Variants in FAM169A observed in about 807,000 individuals in gnomAD.
FAM169A encodes family with sequence similarity 169 member A.
In FAM169A, 24 loss-of-function variants were observed where a neutral mutation model predicts 75.7. That is an observed-to-expected ratio of 0.32 (90% CI 0.23 to 0.45). The LOEUF (loss-of-function observed/expected upper bound fraction) is 0.45. FAM169A is among the 20% of genes least tolerant of loss of function. The probability of loss-of-function intolerance (pLI) is 1.00; values close to 1 mark genes in which losing one functional copy is unlikely to be tolerated. For synonymous variants in FAM169A, 271 were observed against 271.0 expected (o/e 1.00, Z 0.00); for missense variants, 673 against 784.0 (o/e 0.86, Z 1.69).
At chr5:74,783,483 T>G (rs1331529693) in intron 11 of FAM169A, among the ~76,000 whole-genome samples, 1 of 152,176 alleles carries the variant, frequency 6.6e-6, no homozygotes, top group African/African-American at 2.4e-5. Context: ...AAGAACTTTT[T>G]CAGGAAAAAG....
intron 6 of FAM169A, among the ~76,000 whole-genome samples, chr5:74,808,678 A>T (rs1485283117): frequency 1.3e-5 from 2 of 152,358 alleles, no homozygotes; most frequent in East Asian, 3.9e-4. Flanking sequence ...ACACTAAATA[A>T]TATTTTATAA....
rs961984268 is a variant in FAM169A at position 74,781,537 on chromosome 5, C to T, written c.1936G>A (p.Val646Met). ...SSEEIEVEVP[V>M]VDRRNLRRKA... ...CTTCTTAAATTCCGCCTGTCTACCA[C>T]AGGCACTTCCACTTCTATTTCCTCT... Residue 646 changes from valine to methionine, a missense_variant, in exon 13 of 13, where the codon GTG becomes ATG. Coordinates refer to ENST00000687041, the MANE Select transcript of FAM169A (RefSeq NM_001376049.1). 1 of 1,614,226 alleles carries T rather than the reference C, an allele frequency of 6.2e-7. No individual in the cohort carries two copies. Among genetic ancestry groups the T allele is most frequent in the Non-Finnish European group, 8.5e-7 (1 of 1,180,024 alleles).
intron 5 of FAM169A, 67 bp downstream of exon 5, chr5:74,834,359 T>C (rs113854844): frequency 0.012 from 10,687 of 909,394 alleles, 88 homozygotes; most frequent in Middle Eastern, 0.036. Flanking sequence ...GAGATATTGA[T>C]ACAGTTGGAG....
chr5:74,825,134 A>G (rs1158247721), intron 5 of FAM169A, among the ~76,000 whole-genome samples: 1 of 152,114 alleles, frequency 6.6e-6, no homozygotes, highest in African/African-American at 2.4e-5. Flanking sequence ...AATATTTATT[A>G]CTATCTCTCT....
chr5:74,787,576 A>G (rs889029731), intron 11 of FAM169A, among the ~76,000 whole-genome samples: 6 of 152,344 alleles, frequency 3.9e-5, no homozygotes, highest in South Asian at 4.1e-4. Flanking sequence ...CTGTATGCCA[A>G]ATCTAACAGT....
intron 1 of FAM169A, among the ~76,000 whole-genome samples, chr5:74,841,917 G>A (rs927593237): frequency 1.3e-4 from 19 of 151,956 alleles, no homozygotes; most frequent in African/African-American, 3.1e-4. Flanking sequence ...TAACAGATAC[G>A]TCCTTACATA....
intron 5 of FAM169A, among the ~76,000 whole-genome samples, chr5:74,814,391 A>ACTC (rs1747364932): frequency 1.3e-5 from 2 of 152,128 alleles, no homozygotes; most frequent in Admixed American, 6.5e-5. Context: ...GTATTTGAAG[A>ACTC]CTATCATTCC....
At chr5:74,797,427 T>C (rs1580090305) in intron 10 of FAM169A, among the ~76,000 whole-genome samples, 1 of 152,150 alleles carries the variant, frequency 6.6e-6, no homozygotes, top group African/African-American at 2.4e-5. Flanking sequence ...TCCACCTGCC[T>C]CGGCCTCCCA....
chr5:74,862,148 TATCTTTTCTCCA>T (rs1561331828), intron 1 of FAM169A, among the ~76,000 whole-genome samples: 6 of 152,252 alleles, frequency 3.9e-5, no homozygotes, highest in Non-Finnish European at 1.5e-5. Flanking sequence ...TAAAAGCTCG[TATCTTTTCTCCA>T]CTCCAATCCA....
At chr5:74,799,635 CAG>C (rs1274219604) in intron 10 of FAM169A, 1 of 1,382,816 alleles carries the variant, frequency 7.2e-7, no homozygotes, top group Non-Finnish European at 1.0e-6. Context: ...GCTTCTCCGC[CAG>C]TGGGAGCCAC....
chr5:74,804,644 G>C, intron 7 of FAM169A, 39 bp from the exon 8 acceptor site: 1 of 1,209,234 alleles, frequency 8.3e-7, no homozygotes, highest in Non-Finnish European at 1.2e-6. Context: ...AACCGAATCA[G>C]TATTTGGTTT....
In FAM169A at chr5:74,781,094, T is replaced by G. The variant is rs982188412; in HGVS notation, c.*366A>C. Reference sequence around the variant, plus strand: ...AGTTTTACTATTAAAACCCTTAGTATAAAAGATTTCTGTGATCCTTATAAG... The same window carrying G: ...AGTTTTACTATTAAAACCCTTAGTAGAAAAGATTTCTGTGATCCTTATAAG... On this transcript the variant is annotated 3_prime_UTR_variant, in exon 13 of 13. Transcript: ENST00000687041. The G allele has an allele frequency of 1.1e-5, 2 of 177,380 alleles. No individual in the cohort carries two copies. Among genetic ancestry groups the G allele is most frequent in the African/African-American group, 4.7e-5 (2 of 42,164 alleles). 11.0% of individuals were successfully genotyped at this position (177,380 alleles called of 1,614,324 possible). A position where few individuals can be genotyped will look rare whatever the true frequency, so the allele number is the denominator to read the frequency against.
chr5:74,777,685 T>C lies in FAM169A; in HGVS notation c.*3775A>G, dbSNP rs926462904. On this transcript the variant is annotated 3_prime_UTR_variant, in exon 13 of 13. Coordinates refer to ENST00000687041, the MANE Select transcript of FAM169A (RefSeq NM_001376049.1). ...TCAATGTCTAAACAAATTCAGTATC[T>C]GAAACATCTTCATGAGGAAAACTGA... 1.3e-5 allele frequency: 2 copies of C among 151,936 alleles called. No homozygotes were observed. Among genetic ancestry groups the C allele is most frequent in the African/African-American group, 4.8e-5 (2 of 41,406 alleles). 9.4% of individuals were successfully genotyped at this position (151,936 alleles called of 1,614,324 possible).
chr5:74,806,419 T>C (rs1294986562), intron 6 of FAM169A, among the ~76,000 whole-genome samples: 3 of 152,156 alleles, frequency 2.0e-5, no homozygotes, highest in Admixed American at 1.3e-4. Flanking sequence ...TAAGACCTAA[T>C]GTGAAAAACA....
At chr5:74,821,098 T>C (rs1013550643) in intron 5 of FAM169A, among the ~76,000 whole-genome samples, 4 of 152,178 alleles carry the variant, frequency 2.6e-5, no homozygotes, top group African/African-American at 9.7e-5. Flanking sequence ...TTTACTTTGG[T>C]TGTCTTCACA....
chr5:74,785,988 A>G (rs1192769022), intron 11 of FAM169A, among the ~76,000 whole-genome samples: 1 of 152,210 alleles, frequency 6.6e-6, no homozygotes, highest in African/African-American at 2.4e-5. Context: ...GTGGACTGGG[A>G]GAGGCAGACG....
intron 5 of FAM169A, among the ~76,000 whole-genome samples, chr5:74,824,044 G>C (rs2067230912): frequency 6.6e-6 from 1 of 152,172 alleles, no homozygotes; most frequent in Non-Finnish European, 1.5e-5. Context: ...CACAAGGAAA[G>C]CTGACGAGTA....
chr5:74,852,944 G>A (rs900658814), intron 1 of FAM169A, among the ~76,000 whole-genome samples: 1 of 152,176 alleles, frequency 6.6e-6, no homozygotes, highest in African/African-American at 2.4e-5. Context: ...TAAGTACCTT[G>A]TGCATAAATC....
At chr5:74,806,834 A>G (rs1384300338) in intron 6 of FAM169A, among the ~76,000 whole-genome samples, 2 of 152,206 alleles carry the variant, frequency 1.3e-5, no homozygotes, top group African/African-American at 4.8e-5. Flanking sequence ...ATCCCAAAGA[A>G]AAACTGACAG....
Sources: gnomAD v4.1 joint callset for allele counts (sites outside exome capture counted in the v4.1 genomes callset) on GRCh38, gnomAD v4.1.1 for gene constraint, MANE v1.5 for transcripts, NCBI Gene and HGNC (gene_info 2026-07-23, HGNC 2026-07-21) for gene names.